CSMD1: variants seen among roughly 807,000 people sequenced by gnomAD.
The protein encoded by CSMD1 is CUB and sushi domain-containing protein 1.
CSMD1 carries 213 observed loss-of-function variants against 417.5 expected under a neutral mutation model. That is an observed-to-expected ratio of 0.51 (90% CI 0.46 to 0.57). The LOEUF (loss-of-function observed/expected upper bound fraction) is 0.57. Among genes scored for constraint, CSMD1 ranks in the 20% least tolerant of loss-of-function variants. The pLI is 0.00. For synonymous variants in CSMD1, 2,862 were observed against 1,736.8 expected (o/e 1.65, Z -16.11); for missense variants, 6,923 against 4,529.7 (o/e 1.53, Z -15.17).
intron 4 of CSMD1, among the ~76,000 whole-genome samples, chr8:4,010,999 G>C (rs187335648): frequency 6.6e-6 from 1 of 152,182 alleles, no homozygotes; most frequent in East Asian, 1.9e-4. Flanking sequence ...CCCTTTCTGG[G>C]GGATGACTGT....
intron 2 of CSMD1, among the ~76,000 whole-genome samples, chr8:4,526,152 AAGAG>A (rs1257805511): frequency 2.0e-5 from 3 of 152,224 alleles, no homozygotes; most frequent in Non-Finnish European, 2.9e-5. Flanking sequence ...AAGTGTTGTT[AAGAG>A]AGAACCAACA....
intron 2 of CSMD1, among the ~76,000 whole-genome samples, chr8:4,448,813 T>C (rs532793411): frequency 4.6e-5 from 7 of 152,316 alleles, no homozygotes; most frequent in Non-Finnish European, 7.4e-5. Flanking sequence ...AGAAACCTAA[T>C]TCTGGGACAG....
chr8:3,746,569 G>A (rs1011464136), intron 6 of CSMD1, among the ~76,000 whole-genome samples: 10 of 152,170 alleles, frequency 6.6e-5, no homozygotes, highest in African/African-American at 2.2e-4. Flanking sequence ...AAATGTTCAT[G>A]TATTCCATTA....
rs556724930 is a variant in CSMD1, at chr8:4,893,029, C to G, written c.85+101303G>C. Among the ~76,000 whole-genome samples, 4 of 152,240 alleles carry G rather than the reference C, an allele frequency of 2.6e-5. No homozygotes were observed. The East Asian group carries it at 7.7e-4, about 29-fold the overall frequency. Reference sequence around the variant, plus strand: ...CATCTGTGTTTGTAATTTGCATGGTCAATGTCAAACTGACTTCCAGGAATG... The same window carrying G: ...CATCTGTGTTTGTAATTTGCATGGTGAATGTCAAACTGACTTCCAGGAATG... On this transcript the variant is annotated intron_variant, in intron 1 of 69. Coordinates refer to ENST00000635120, the MANE Select transcript of CSMD1 (RefSeq NM_033225.6).
intron 1 of CSMD1, among the ~76,000 whole-genome samples, chr8:4,952,786 T>C (rs1027947276): frequency 3.3e-5 from 5 of 152,104 alleles, no homozygotes; most frequent in African/African-American, 1.2e-4. Flanking sequence ...ATAGCTTACA[T>C]CCTAATGAAA....
At chr8:4,513,564 G>A (rs903003953) in intron 2 of CSMD1, among the ~76,000 whole-genome samples, 1 of 152,122 alleles carries the variant, frequency 6.6e-6, no homozygotes, top group African/African-American at 2.4e-5. Flanking sequence ...ATCATATCAA[G>A]TGACACACTG....
intron 3 of CSMD1, among the ~76,000 whole-genome samples, chr8:4,322,237 T>C (rs1799309353): frequency 6.6e-6 from 1 of 152,224 alleles, no homozygotes; most frequent in Admixed American, 6.5e-5. Flanking sequence ...GTAATTTTAT[T>C]TGAAAACATA....
chr8:4,433,838 G>A (rs1456350269), intron 2 of CSMD1, among the ~76,000 whole-genome samples: 1 of 148,350 alleles, frequency 6.7e-6, no homozygotes, highest in African/African-American at 2.4e-5. Context: ...GGAAAAAAAG[G>A]GAAAAAAGAC....
intron 3 of CSMD1, among the ~76,000 whole-genome samples, chr8:4,356,903 A>T (rs1277832667): frequency 6.6e-6 from 1 of 152,200 alleles, no homozygotes; most frequent in Non-Finnish European, 1.5e-5. Context: ...TAGCCCTTTA[A>T]ATCTGAATAA....
intron 5 of CSMD1, among the ~76,000 whole-genome samples, chr8:3,979,726 T>C (rs1170826176): frequency 6.6e-6 from 1 of 152,238 alleles, no homozygotes; most frequent in East Asian, 1.9e-4. Flanking sequence ...AGCTGGAACC[T>C]TGATCCTAAA....
intron 12 of CSMD1, among the ~76,000 whole-genome samples, chr8:3,426,946 G>A (rs1213560012): frequency 6.6e-6 from 1 of 152,150 alleles, no homozygotes; most frequent in Non-Finnish European, 1.5e-5. Context: ...CAATCGTGGT[G>A]GAAGGTAAAG....
intron 2 of CSMD1, among the ~76,000 whole-genome samples, chr8:4,565,977 A>C (rs115461163): frequency 0.031 from 4,761 of 151,690 alleles, 225 homozygotes; most frequent in African/African-American, 0.1. Flanking sequence ...TATAATCTAT[A>C]TTTGGGTCTA....
chr8:4,091,811 G>C (rs1054610426), intron 3 of CSMD1, among the ~76,000 whole-genome samples: 1 of 152,122 alleles, frequency 6.6e-6, no homozygotes, highest in Admixed American at 6.6e-5. Flanking sequence ...ACTGGAAGAG[G>C]CCTTATCCTT....
At chr8:3,944,832 G>A (rs368526257) in intron 5 of CSMD1, among the ~76,000 whole-genome samples, 6 of 152,222 alleles carry the variant, frequency 3.9e-5, no homozygotes, top group East Asian at 1.9e-4. Context: ...CCAATAATTA[G>A]AGCTAGTTCT....
intron 5 of CSMD1, among the ~76,000 whole-genome samples, chr8:3,825,677 G>C (rs987435768): frequency 6.6e-6 from 1 of 152,062 alleles, no homozygotes; most frequent in Non-Finnish European, 1.5e-5. Context: ...TACTCTCTAG[G>C]CTCAAGAGCT....
chr8:4,958,685 GAAT>G (rs1809281067), intron 1 of CSMD1, among the ~76,000 whole-genome samples: 1 of 152,078 alleles, frequency 6.6e-6, no homozygotes, highest in Admixed American at 6.5e-5. Flanking sequence ...GAGTTTTTAA[GAAT>G]AATAGACATA....
intron 25 of CSMD1, among the ~76,000 whole-genome samples, chr8:3,288,381 C>G (rs1026644577): frequency 6.8e-6 from 1 of 147,142 alleles, no homozygotes; most frequent in Admixed American, 6.7e-5. Context: ...ATGGTACCAG[C>G]TCCTCCTTGT....
At chr8:3,428,643 T>C (rs1814009339) in intron 12 of CSMD1, among the ~76,000 whole-genome samples, 1 of 152,132 alleles carries the variant, frequency 6.6e-6, no homozygotes, top group Admixed American at 6.6e-5. Context: ...GAAAACAGTA[T>C]GCAGCTTTCT....
At chr8:4,753,946 C>T (rs1003233743) in intron 1 of CSMD1, among the ~76,000 whole-genome samples, 1 of 152,100 alleles carries the variant, frequency 6.6e-6, no homozygotes, top group African/African-American at 2.4e-5. Context: ...TTATGTGCTG[C>T]CAATTTAAAA....
Sources: allele counts gnomAD v4.1 joint callset (sites outside exome capture counted in the v4.1 genomes callset), GRCh38; gene constraint gnomAD v4.1.1; transcripts MANE v1.5; gene names NCBI Gene and HGNC (gene_info 2026-07-23, HGNC 2026-07-21).